Variants in MUC6 observed in about 807,000 individuals in gnomAD.
MUC6 encodes mucin-6.
Under a neutral mutation model 201.5 loss-of-function variants are expected in MUC6, and 188 were observed. The ratio of observed to expected loss-of-function variants is 0.93; its 90% CI spans 0.83 to 1.05. The LOEUF (loss-of-function observed/expected upper bound fraction) is 1.05. MUC6 is among the 50% of genes least tolerant of loss of function. MUC6 has a pLI of 0.00. For synonymous variants in MUC6, 1,228 were observed against 1,389.4 expected, an observed-to-expected ratio of 0.88 and a Z score of 2.58; for missense variants, 2,706 against 3,256.9, an observed-to-expected ratio of 0.83 and a Z score of 4.12.
chr11:1,025,501 C>T, intron 22 of MUC6, 134 bp from the exon 23 acceptor site: 1 of 1,073,744 alleles, frequency 9.3e-7, no homozygotes. Context: ...TGCTGAGAGC[C>T]AGCTTGGGGC....
rs115974830 is a variant in MUC6 at position 1,022,261 on chromosome 11, C to T, written c.3527-984G>A. 7.5e-3 allele frequency among the ~76,000 whole-genome samples: 1,123 copies of T among 148,898 alleles called. 18 individuals are homozygous for T. Among genetic ancestry groups the T allele is most frequent in the African/African-American group, 0.026 (1,045 of 39,960 alleles). On this transcript the variant is annotated intron_variant, in intron 26 of 32. Coordinates refer to ENST00000421673, the MANE Select transcript of MUC6 (RefSeq NM_005961.3). ...GCTTGCTCTGCCCTCTGCAGCCCCG[C>T]GCCCCACTCGCTCCTTCTGCCCTCT...
intron 13 of MUC6, 112 bp downstream of exon 13, chr11:1,028,534 C>T: frequency 2.0e-6 from 3 of 1,537,338 alleles, no homozygotes; most frequent in Non-Finnish European, 2.6e-6. Flanking sequence ...CCTGGGGGCT[C>T]CCCGGACACA....
chr11:1,036,106 C>T (rs887288222), intron 1 of MUC6, among the ~76,000 whole-genome samples: 5 of 152,084 alleles, frequency 3.3e-5, no homozygotes, highest in African/African-American at 4.8e-5. Context: ...ACCTTCCCCC[C>T]TCTTCCCCCC....
Position 1,021,196 on chromosome 11 carries a change from G to C in MUC6, c.3589+19C>G. The C allele has an allele frequency of 6.4e-7, 1 of 1,559,810 alleles. No individual in the cohort carries two copies. Among genetic ancestry groups the C allele is most frequent in the Non-Finnish European group, 8.6e-7 (1 of 1,157,450 alleles). ...ATGCAGGCAGGGGCAGGGTTCTCAGGGCAGCCGACTGGACTTACTGCAGGG... is the reference window on the plus strand; with the variant it reads ...ATGCAGGCAGGGGCAGGGTTCTCAGCGCAGCCGACTGGACTTACTGCAGGG... On this transcript the variant is annotated intron_variant, in intron 27 of 32. Transcript: ENST00000421673.
chr11:1,029,625 A>C lies in MUC6; in HGVS notation c.1016-10T>G. On this transcript the variant is annotated splice_polypyrimidine_tract_variant and intron_variant, in intron 8 of 32. Transcript: ENST00000421673. ...TCATTCAGGACCGTACCTGCAGGAG[A>C]GGGTCTTCTTGGGGCTTGGGTGGGA... 6.4e-7 allele frequency: 1 copy of C among 1,565,138 alleles called. No individual in the cohort carries two copies. The highest frequency in any genetic ancestry group is 8.7e-7 in the Non-Finnish European group (1 of 1,151,702).
intron 2 of MUC6, 97 bp downstream of exon 2, chr11:1,032,916 G>T (rs1473853944): frequency 4.8e-6 from 5 of 1,049,964 alleles, no homozygotes; most frequent in Non-Finnish European, 5.5e-6. Flanking sequence ...TGTTGGATGT[G>T]TGTGTCTTGG....
chr11:1,026,242 C>T, intron 20 of MUC6, 85 bp downstream of exon 20: 1 of 1,537,396 alleles, frequency 6.5e-7, no homozygotes, highest in Non-Finnish European at 8.7e-7. Context: ...GCCCCCGCCT[C>T]TGGGACAGCC....
chr11:1,025,092 G>C lies in MUC6; in HGVS notation c.2986-9C>G. On this transcript the variant is annotated splice_polypyrimidine_tract_variant and intron_variant, in intron 23 of 32. Coordinates refer to ENST00000421673, the MANE Select transcript of MUC6 (RefSeq NM_005961.3). ...AAGCCGCAGAGGGGATCCTGCAGAC[G>C]GTGGCATCAGGCCGGGCCCAGGGGC... 6.2e-7 allele frequency: 1 copy of C among 1,612,808 alleles called. No homozygotes were observed. Among genetic ancestry groups the C allele is most frequent in the Admixed American group, 1.7e-5 (1 of 60,016 alleles).
chr11:1,015,474 G>A (rs1396433911), intron 31 of MUC6, among the ~76,000 whole-genome samples: 1 of 152,162 alleles, frequency 6.6e-6, no homozygotes, highest in South Asian at 2.1e-4. Context: ...GAGGCCAGGA[G>A]TGCAGCAGTG....
rs759982792 is a variant in MUC6, at chr11:1,027,387, G to A, written c.2112C>T (p.Pro704=). 7.4e-6 allele frequency: 12 copies of A among 1,612,784 alleles called. No homozygotes were observed. Among genetic ancestry groups the A allele is most frequent in the South Asian group, 1.1e-5 (1 of 91,084 alleles). ...SAVPVDGCNC[P]DGTYLNQKGE... is the part of the protein sequence containing the mutation. ...CCTTTTGGTTCAGGTAGGTGCCATC[G>A]GGGCAGTTGCAACCGTCCACGGGCA... is the stretch of plus-strand genomic sequence containing the variant. The change falls in exon 17 of 33, where the codon CCC becomes CCT. Residue 704 remains proline, a synonymous_variant. Coordinates refer to ENST00000421673, the MANE Select transcript of MUC6 (RefSeq NM_005961.3).
At chr11:1,020,569 G>A (rs760773484) in intron 28 of MUC6, 115 bp downstream of exon 28, 90 of 1,435,596 alleles carry the variant, frequency 6.3e-5, no homozygotes, top group Non-Finnish European at 8.2e-5. Context: ...CCTGAGAAGG[G>A]CACAGGTACT....
intron 31 of MUC6, 42 bp from the exon 32 acceptor site, chr11:1,014,043 T>C: frequency 6.5e-7 from 1 of 1,536,540 alleles, no homozygotes. Context: ...AGGGTGGGCA[T>C]GGAGCGAGGA....
chr11:1,014,840 C>T (rs1193848088), intron 31 of MUC6, among the ~76,000 whole-genome samples: 5 of 152,184 alleles, frequency 3.3e-5, no homozygotes, highest in Non-Finnish European at 7.4e-5. Flanking sequence ...CTGCCGTCCC[C>T]AGCTGCCCTC....
intron 24 of MUC6, among the ~76,000 whole-genome samples, chr11:1,024,612 A>G (rs114140807): frequency 0.021 from 3,248 of 152,216 alleles, 130 homozygotes; most frequent in African/African-American, 0.075. Flanking sequence ...TGGGGGTGCT[A>G]TTGGCATCTG....
At position 1,025,050 on chromosome 11, in the gene MUC6, C is replaced by A; in HGVS notation, c.3019G>T (p.Gly1007Trp). 1 of 1,612,914 alleles carries A rather than the reference C, an allele frequency of 6.2e-7. No individual in the cohort carries two copies. The highest frequency in any genetic ancestry group is 8.5e-7 in the Non-Finnish European group (1 of 1,179,816). The change falls in exon 24 of 33, where the codon GGG becomes TGG. Residue 1007 changes from glycine (G) to tryptophan (W), a missense_variant. Transcript: ENST00000421673. ...PLCGLCGNFN[G>W]NMKDDFETRS... ...GTCTCGAAGTCGTCCTTCATGTTCC[C>A]GTTGAAGTTGCCACACAAGCCGCAG... is the stretch of plus-strand genomic sequence containing the variant.
At chr11:1,029,798 C>T (rs1299835931) in intron 8 of MUC6, among the ~76,000 whole-genome samples, 183 bp from the exon 9 acceptor site, 2 of 152,152 alleles carry the variant, frequency 1.3e-5, no homozygotes, top group Non-Finnish European at 2.9e-5. Context: ...TGGGCCATGA[C>T]CTCTCTCCAG....
At position 1,021,657 on chromosome 11, in the gene MUC6, G is replaced by A. The variant is rs554939580; in HGVS notation, c.3527-380C>T. ...GAGTGCTGGGATTACAGTTTCACCC[G>A]CGCACCTTGCTCTAAGCCCCTCCTT... On this transcript the variant is annotated intron_variant, in intron 26 of 32. Coordinates refer to ENST00000421673, the MANE Select transcript of MUC6 (RefSeq NM_005961.3). Among the ~76,000 whole-genome samples the A allele has an allele frequency of 3.9e-5, 6 of 152,038 alleles. No homozygotes were observed. The East Asian group carries it at 5.8e-4, about 15-fold the overall frequency.
rs1857068112 is a variant in MUC6, at chr11:1,030,233, A to G, written c.995T>C (p.Phe332Ser). 6.4e-7 allele frequency: 1 copy of G among 1,551,694 alleles called. No homozygotes were observed. The highest frequency in any genetic ancestry group is 1.4e-5 in the African/African-American group (1 of 73,100). ...CTCACCTTCCGGGCAGAAGCACCCG[A>G]AGGTGCAGGAGCTGGAGCAGCTGTG... ...PQHSCSSSCTFGCFCPEGTVL... is the reference protein window; with the variant it reads ...PQHSCSSSCTSGCFCPEGTVL... The change falls in exon 8 of 33, where the codon TTC becomes TCC. Residue 332 changes from phenylalanine to serine, a missense_variant. Phe to Ser is a radical substitution (Grantham distance 155). Transcript: ENST00000421673.
rs1564846371 is a variant in MUC6, at chr11:1,033,227, C to T, written c.53-152G>A. ...CCCGTGGGGCTCGAGGCCTCAACAG[C>T]AAGCCAAGCGCTTGGCCTCCCATGC... On this transcript the variant is annotated intron_variant, in intron 1 of 32. Transcript: ENST00000421673. The surrounding 1 kb of genome is among the most constrained non-coding windows in gnomAD (Gnocchi z 5.6). 4.3e-6 allele frequency: 3 copies of T among 695,516 alleles called. No individual in the cohort carries two copies. The highest frequency in any genetic ancestry group is 4.6e-5 in the Admixed American group (2 of 43,128). 43.1% of individuals were successfully genotyped at this position (695,516 alleles called of 1,614,324 possible).
Sources: gnomAD v4.1 joint callset for allele counts (sites outside exome capture counted in the v4.1 genomes callset) on GRCh38, gnomAD v4.1.1 for gene constraint, Gnocchi (gnomAD v3.1) non-coding constraint, MANE v1.5 for transcripts, NCBI Gene and HGNC (gene_info 2026-07-23, HGNC 2026-07-21) for gene names.